The following SAXO1 variants were observed in gnomAD, a reference collection of about 807,000 sequenced individuals.
SAXO1 encodes stabilizer of axonemal microtubules 1.
A neutral mutation model predicts 17.5 loss-of-function variants in SAXO1; 21 were observed. That is an observed-to-expected ratio of 1.20 (90% CI 0.85 to 1.72). The LOEUF (loss-of-function observed/expected upper bound fraction) is 1.72, where lower values mean the gene tolerates loss of function less well. Ranked by LOEUF, SAXO1 falls within the 40% of genes most tolerant of loss-of-function variation. The pLI is 0.00. For missense variants in SAXO1, 843 were observed against 596.0 expected (o/e 1.41, Z -4.32); for synonymous variants, 274 against 216.5 (o/e 1.27, Z -2.33).
intron 3 of SAXO1, among the ~76,000 whole-genome samples, chr9:18,935,516 G>A (rs752681821): frequency 9.2e-5 from 14 of 152,130 alleles, no homozygotes; most frequent in Admixed American, 2.0e-4. Context: ...TTGCCCATGT[G>A]CACAGCCTTC....
In SAXO1 at chr9:18,979,709, C is replaced by T. The variant is rs142494199; in HGVS notation, c.39-28772G>A. 3.9e-4 allele frequency among the ~76,000 whole-genome samples: 60 copies of T among 152,292 alleles called. No individual in the cohort carries two copies. The East Asian group carries it at 8.1e-3, about 21-fold the overall frequency. On this transcript the variant is annotated intron_variant, in intron 1 of 3. Coordinates refer to ENST00000380534, the MANE Select transcript of SAXO1 (RefSeq NM_153707.4). The stretch of plus-strand genomic sequence containing the variant: ...CCTAGAATTGGAGGCAGCATAGTGG[C>T]CCACGCCTATAATCCCATCTACTAG...
At chr9:18,966,504 G>T (rs1455304303) in intron 1 of SAXO1, among the ~76,000 whole-genome samples, 3 of 152,004 alleles carry the variant, frequency 2.0e-5, no homozygotes, top group Non-Finnish European at 4.4e-5. Context: ...TTCAAACTCT[G>T]ATATCCTTTC....
At chr9:18,980,672 C>T (rs911870373) in intron 1 of SAXO1, among the ~76,000 whole-genome samples, 3 of 148,086 alleles carry the variant, frequency 2.0e-5, no homozygotes, top group Non-Finnish European at 3.0e-5. Flanking sequence ...TACTAGCCCT[C>T]TTTAGTTTCC....
chr9:18,999,336 C>T (rs996522980), intron 1 of SAXO1, among the ~76,000 whole-genome samples: 4 of 149,402 alleles, frequency 2.7e-5, no homozygotes, highest in Non-Finnish European at 4.5e-5. Context: ...TGGCCACTGC[C>T]CCGGCTGGCA....
At chr9:19,020,883 T>A (rs941594916) in intron 1 of SAXO1, among the ~76,000 whole-genome samples, 5 of 152,236 alleles carry the variant, frequency 3.3e-5, no homozygotes, top group Admixed American at 2.0e-4. Flanking sequence ...AAGCCATCTG[T>A]TGAAACTCTT....
chr9:18,942,495 C>G (rs1831612062), intron 2 of SAXO1, among the ~76,000 whole-genome samples: 2 of 152,168 alleles, frequency 1.3e-5, no homozygotes, highest in South Asian at 4.1e-4. Context: ...CTCTGTGTTC[C>G]CAAAAGCTTC....
intron 1 of SAXO1, among the ~76,000 whole-genome samples, chr9:19,048,725 C>T (rs996155965): frequency 3.1e-4 from 47 of 152,312 alleles, no homozygotes; most frequent in African/African-American, 1.1e-3. Flanking sequence ...ACCTTTGATT[C>T]CCTAACTTGA....
intron 1 of SAXO1, among the ~76,000 whole-genome samples, chr9:19,010,440 A>T (rs1475587241): frequency 6.6e-6 from 1 of 152,200 alleles, no homozygotes; most frequent in African/African-American, 2.4e-5. Context: ...TGGTCCTACT[A>T]AACAAATATC....
intron 1 of SAXO1, among the ~76,000 whole-genome samples, chr9:18,959,563 G>A (rs999529588): frequency 2.0e-5 from 3 of 152,120 alleles, no homozygotes; most frequent in African/African-American, 7.2e-5. Flanking sequence ...CTGAGGTCAG[G>A]AGTTCAAGAC....
chr9:19,001,827 T>C (rs536433335), intron 1 of SAXO1, among the ~76,000 whole-genome samples: 2 of 151,824 alleles, frequency 1.3e-5, no homozygotes, highest in South Asian at 2.1e-4. Flanking sequence ...AACATCACAA[T>C]TAAAAGAACT....
At chr9:18,989,851 T>A (rs1416426669) in intron 1 of SAXO1, among the ~76,000 whole-genome samples, 1 of 152,156 alleles carries the variant, frequency 6.6e-6, no homozygotes, top group Non-Finnish European at 1.5e-5. Context: ...ACATCATGAG[T>A]GAAGTGGCCA....
At chr9:18,953,329 T>A (rs1832115779) in intron 1 of SAXO1, among the ~76,000 whole-genome samples, 1 of 152,166 alleles carries the variant, frequency 6.6e-6, no homozygotes, top group Non-Finnish European at 1.5e-5. Flanking sequence ...TATTGTTACT[T>A]TTAAAAAATG....
At chr9:18,932,877 T>A (rs1249311479) in intron 3 of SAXO1, among the ~76,000 whole-genome samples, 1 of 151,374 alleles carries the variant, frequency 6.6e-6, no homozygotes, top group Non-Finnish European at 1.5e-5. Flanking sequence ...TATTGTTCAG[T>A]ACTGACATCT....
At chr9:19,011,049 G>C (rs1311240046) in intron 1 of SAXO1, among the ~76,000 whole-genome samples, 1 of 152,140 alleles carries the variant, frequency 6.6e-6, no homozygotes, top group East Asian at 1.9e-4. Context: ...CTACACTACA[G>C]TATCCTGCAT....
intron 1 of SAXO1, among the ~76,000 whole-genome samples, chr9:18,961,933 G>T (rs11790669): frequency 0.54 from 82,794 of 152,048 alleles, 26,147 homozygotes; most frequent in Non-Finnish European, 0.7. Flanking sequence ...CACAATGGTT[G>T]AACTAATTTA....
Position 19,049,210 on chromosome 9 carries a change from C to G in SAXO1, c.-159G>C, listed in dbSNP as rs1027274158. On this transcript the variant is annotated splice_region_variant and 5_prime_UTR_variant, in exon 1 of 4. Coordinates refer to the SAXO1 transcript ENST00000542071. The surrounding 1 kb of genome is among the most constrained non-coding windows in gnomAD (Gnocchi z 5.4). ...TCCCCCGGCCAACCACACACGTACC[C>G]CTAGCAACAGCAAACCCAGCTGCAA... 6.4e-6 allele frequency: 1 copy of G among 157,158 alleles called. No homozygotes were observed. The highest frequency in any genetic ancestry group is 2.4e-5 in the African/African-American group (1 of 41,518). 9.7% of individuals were successfully genotyped at this position (157,158 alleles called of 1,614,324 possible). A position where few individuals can be genotyped will look rare whatever the true frequency, so the allele number is the denominator to read the frequency against.
At position 18,946,843 on chromosome 9, in the gene SAXO1, C is replaced by T. The variant is rs560593754; in HGVS notation, c.218+3915G>A. Among the ~76,000 whole-genome samples the T allele has an allele frequency of 4.6e-5, 7 of 152,136 alleles. No homozygotes were observed. In the East Asian group the frequency reaches 1.4e-3, roughly 29 times the overall value. ...CAAGAATCAAATGCAAATTCTGAAA[C>T]TGCAAAATATGTGAAGTAGAACATT... On this transcript the variant is annotated intron_variant, in intron 2 of 3. Transcript: ENST00000380534.
intron 1 of SAXO1, among the ~76,000 whole-genome samples, chr9:19,026,472 T>A (rs1396080263): frequency 1.3e-5 from 2 of 152,214 alleles, no homozygotes; most frequent in African/African-American, 4.8e-5. Flanking sequence ...GCTTTAAAAG[T>A]CTGATTAACG....
chr9:19,005,540 T>C (rs75781275), intron 1 of SAXO1, among the ~76,000 whole-genome samples: 1,776 of 152,322 alleles, frequency 0.012, 31 homozygotes, highest in African/African-American at 0.039. Flanking sequence ...GGACAGCCTT[T>C]TTTAACAAAT....
Sources: gnomAD v4.1 joint callset for allele counts (sites outside exome capture counted in the v4.1 genomes callset) on GRCh38, gnomAD v4.1.1 for gene constraint, Gnocchi (gnomAD v3.1) non-coding constraint, MANE v1.5 for transcripts, NCBI Gene and HGNC (gene_info 2026-07-23, HGNC 2026-07-21) for gene names.